The following PHF8 variants were observed in gnomAD, a reference collection of about 807,000 sequenced individuals.
PHF8 encodes the protein histone lysine demethylase PHF8.
PHF8 carries 9 observed loss-of-function variants against 74.4 expected under a neutral mutation model. The observed-to-expected ratio is 0.12, with a 90% CI of 0.07 to 0.21. The LOEUF is 0.21. Among genes scored for constraint, PHF8 ranks in the 10% least tolerant of loss-of-function variants. PHF8 has a pLI of 1.00. For missense variants in PHF8, 478 were observed against 816.6 expected, an observed-to-expected ratio of 0.59 and a Z score of 5.05; for synonymous variants, 311 against 316.6, an observed-to-expected ratio of 0.98 and a Z score of 0.19.
intron 6 of PHF8, among the ~76,000 whole-genome samples, chrX:54,015,575 C>CAAAA (rs202093690): frequency 4.8e-4 from 16 of 33,005 alleles, no homozygotes; most frequent in Non-Finnish European, 7.4e-4. Context: ...AACTCCGTCT[C>CAAAA]AAAAAAAAAA....
intron 14 of PHF8, 127 bp downstream of exon 14, chrX:53,992,609 G>C (rs1569527396): frequency 2.0e-6 from 1 of 505,037 alleles, no homozygotes; most frequent in East Asian, 3.7e-5. Context: ...ATAATATCTA[G>C]GTATTGCCCT....
intron 18 of PHF8, among the ~76,000 whole-genome samples, chrX:53,978,594 C>T (rs187913134): frequency 4.7e-4 from 51 of 108,086 alleles, no homozygotes; most frequent in East Asian, 3.0e-3. Flanking sequence ...GTCAGGAGAT[C>T]GAGACCAGTC....
At chrX:53,940,132 C>A (rs145977200) in intron 21 of PHF8, 48 bp downstream of exon 21, 18,832 of 1,000,757 alleles carry the variant, frequency 0.019, 155 homozygotes, top group Middle Eastern at 0.042. Flanking sequence ...GGATTTAGGG[C>A]AGGTGGCTCT....
Position 53,938,069 on chromosome X carries a change from C to T in PHF8, c.*1089G>A. 8.6e-7 allele frequency: 1 copy of T among 1,162,657 alleles called. No homozygotes were observed. The highest frequency in any genetic ancestry group is 1.1e-6 in the Non-Finnish European group (1 of 870,098). ...AACGATGACCTGTCGTCTGGAAGTG[C>T]AAAGGCCCAGGAGTGAAGATGTGAG... On this transcript the variant is annotated 3_prime_UTR_variant, in exon 22 of 22. Transcript: ENST00000338154.
intron 8 of PHF8, among the ~76,000 whole-genome samples, chrX:54,006,077 C>T (rs1373717916): frequency 1.8e-5 from 2 of 111,878 alleles, no homozygotes; most frequent in Non-Finnish European, 3.8e-5. Flanking sequence ...GTGGGTAGCA[C>T]GTCAATCTCA....
At chrX:54,045,011 C>CT, upstream of PHF8, 2 of 646,928 alleles carry the variant, frequency 3.1e-6, no homozygotes, top group Admixed American at 5.7e-5. Flanking sequence ...AGCCAAGTGA[C>CT]TTGAGTCCCG....
At chrX:53,944,991 C>A (rs192771387) in intron 19 of PHF8, among the ~76,000 whole-genome samples, 59 of 110,295 alleles carry the variant, frequency 5.3e-4, no homozygotes, top group African/African-American at 1.9e-3. Flanking sequence ...CACTGCACTC[C>A]AGCCTCAGCG....
At chrX:54,022,459 T>C in intron 3 of PHF8, 92 bp from the exon 4 acceptor site, 1 of 616,250 alleles carries the variant, frequency 1.6e-6, no homozygotes, top group Non-Finnish European at 2.8e-6. Flanking sequence ...TCTCTTCCAA[T>C]CTAACCACCC....
Position 54,021,454 on chromosome X carries a change from ATTTTTTTTTT to A in PHF8, c.293+795_293+804del, listed in dbSNP as rs1156928686. Among the ~76,000 whole-genome samples, 16 of 42,165 alleles carry A rather than the reference ATTTTTTTTTT, an allele frequency of 3.8e-4. No individual in the cohort carries two copies. The East Asian group carries it at 0.011, about 29-fold the overall frequency. 36.6% of individuals were successfully genotyped at this position (42,165 alleles called of 115,157 possible). On this transcript the variant is annotated intron_variant, in intron 4 of 21. Coordinates refer to ENST00000338154, the MANE Select transcript of PHF8 (RefSeq NM_015107.3). Reference sequence around the variant, plus strand: ...TGAATCTAAAATCAAAGTTGCAATTATTTTTTTTTTTTTTTTTTTTTTTTTTTTTTTTGAG... The same window carrying A: ...TGAATCTAAAATCAAAGTTGCAATTATTTTTTTTTTTTTTTTTTTTTTGAG...
intron 14 of PHF8, among the ~76,000 whole-genome samples, chrX:53,988,308 C>G (rs782104584): frequency 9.0e-6 from 1 of 111,462 alleles, no homozygotes; most frequent in Non-Finnish European, 1.9e-5. Context: ...GCTAAAGCAG[C>G]TCAGTGAGGG....
Position 53,939,093 on chromosome X carries a change from C to A in PHF8, c.*65G>T. 8.4e-7 allele frequency: 1 copy of A among 1,195,677 alleles called. No individual in the cohort carries two copies. Among genetic ancestry groups the A allele is most frequent in the Non-Finnish European group, 1.1e-6 (1 of 887,041 alleles). ...CCAGGGCAGATAGGATCCAGGAGTG[C>A]CCCAAGAGTTGACAATGGAGAAGGC... is the stretch of plus-strand genomic sequence containing the variant. On this transcript the variant is annotated 3_prime_UTR_variant, in exon 22 of 22. Transcript: ENST00000338154.
At position 53,995,933 on chromosome X, in the gene PHF8, A is replaced by G; in HGVS notation, c.1234-151T>C. 6.9e-6 allele frequency: 3 copies of G among 436,608 alleles called. No individual in the cohort carries two copies. In the South Asian group the frequency reaches 1.1e-4, roughly 15 times the overall value. 36.0% of individuals were successfully genotyped at this position (436,608 alleles called of 1,213,427 possible). On this transcript the variant is annotated intron_variant, in intron 11 of 21. Coordinates refer to ENST00000338154, the MANE Select transcript of PHF8 (RefSeq NM_015107.3). The stretch of plus-strand genomic sequence containing the variant: ...ATATCCACATGCAAAAAAAAAAACA[A>G]AAACAAACAAACCTCAATCCCTATC...
intron 2 of PHF8, among the ~76,000 whole-genome samples, chrX:54,030,549 C>T (rs782570548): frequency 9.0e-6 from 1 of 111,690 alleles, no homozygotes; most frequent in Non-Finnish European, 1.9e-5. Flanking sequence ...CATTTTAGAG[C>T]GGGAGACAGA....
In PHF8 at chrX:53,998,956, C is replaced by A. The variant is rs1362522725; in HGVS notation, c.1233+914G>T. 2.9e-4 allele frequency among the ~76,000 whole-genome samples: 32 copies of A among 111,841 alleles called. No individual in the cohort carries two copies. In the Admixed American group the frequency reaches 3.1e-3, roughly 11 times the overall value. ...TTACTGTCTGATTCTTTAAAACTAT[C>A]CCCTCAAAGAAATAAAAAGGAAGCA... On this transcript the variant is annotated intron_variant, in intron 11 of 21. Coordinates refer to ENST00000338154, the MANE Select transcript of PHF8 (RefSeq NM_015107.3).
intron 2 of PHF8, among the ~76,000 whole-genome samples, chrX:54,032,047 C>G (rs951581077): frequency 4.5e-5 from 5 of 111,425 alleles, no homozygotes; most frequent in Admixed American, 2.9e-4. Context: ...TTGCTCCTCA[C>G]CTTTAGTCTA....
At chrX:54,005,268 G>A (rs1165342692) in intron 8 of PHF8, among the ~76,000 whole-genome samples, 1 of 109,895 alleles carries the variant, frequency 9.1e-6, no homozygotes, top group Non-Finnish European at 1.9e-5. Flanking sequence ...AGGAGTTCAA[G>A]ACCAGCATGG....
chrX:54,001,076 C>T (rs1557104109), intron 10 of PHF8, among the ~76,000 whole-genome samples: 1 of 112,158 alleles, frequency 8.9e-6, no homozygotes, highest in Non-Finnish European at 1.9e-5. Flanking sequence ...GCCTGTAATC[C>T]CAGCACATTG....
At chrX:54,027,446 A>G (rs1228718843) in intron 2 of PHF8, among the ~76,000 whole-genome samples, 4 of 111,433 alleles carry the variant, frequency 3.6e-5, no homozygotes, top group Non-Finnish European at 5.6e-5. Flanking sequence ...GCTGCCTAGT[A>G]GTATCCAGAG....
intron 2 of PHF8, among the ~76,000 whole-genome samples, chrX:54,034,114 A>T (rs932544851): frequency 1.7e-4 from 19 of 111,962 alleles, no homozygotes; most frequent in Admixed American, 1.9e-4. Context: ...AGTTGAAGAT[A>T]GAACAATAGA....
Sources: allele counts gnomAD v4.1 joint callset (sites outside exome capture counted in the v4.1 genomes callset), GRCh38; gene constraint gnomAD v4.1.1; transcripts MANE v1.5; gene names NCBI Gene and HGNC (gene_info 2026-07-23, HGNC 2026-07-21).